FHOD3: variants seen among roughly 807,000 people sequenced by gnomAD.
FHOD3 encodes the protein formin homology 2 domain containing 3, also known as FH1/FH2 domain-containing protein 3.
FHOD3 carries 90 observed loss-of-function variants against 173.0 expected under a neutral mutation model. That is an observed-to-expected ratio of 0.52 (90% confidence interval 0.44 to 0.62). The LOEUF (loss-of-function observed/expected upper bound fraction) is 0.62, where lower values mean the gene tolerates loss of function less well. Among genes scored for constraint, FHOD3 ranks in the 20% least tolerant of loss-of-function variants. The probability of loss-of-function intolerance (pLI) is 0.00; values close to 1 mark genes in which losing one functional copy is unlikely to be tolerated. For synonymous variants in FHOD3, 828 were observed against 823.0 expected (o/e 1.01, Z -0.10); for missense variants, 1,945 against 2,034.7 (o/e 0.96, Z 0.85).
chr18:36,416,816 C>T (rs1341868300), intron 3 of FHOD3, among the ~76,000 whole-genome samples: 1 of 152,154 alleles, frequency 6.6e-6, no homozygotes, highest in Admixed American at 6.5e-5. Context: ...TGCTCCCTTG[C>T]CTTCAAGCCA....
At chr18:36,393,301 CT>C (rs2048389730) in intron 3 of FHOD3, among the ~76,000 whole-genome samples, 1 of 152,166 alleles carries the variant, frequency 6.6e-6, no homozygotes, top group Admixed American at 6.5e-5. Context: ...CTTCTGGACA[CT>C]TTCTCTTTCC....
rs189016760 is a variant in FHOD3 at position 36,300,498 on chromosome 18, G to T, written c.165+2498G>T. On this transcript the variant is annotated intron_variant, in intron 1 of 28. Transcript: ENST00000590592. ...TCTGCTGTGAATTAGCTATTGAGGG[G>T]TCTGTTGACCTGGGTGAGCTATCAT... 7.2e-5 allele frequency among the ~76,000 whole-genome samples: 11 copies of T among 152,278 alleles called. 1 individual carries two copies. In the East Asian group the frequency reaches 2.1e-3, roughly 29 times the overall value.
chr18:36,473,078 C>A (rs779194648), intron 3 of FHOD3, among the ~76,000 whole-genome samples: 11 of 152,224 alleles, frequency 7.2e-5, no homozygotes, highest in Non-Finnish European at 1.5e-4. Flanking sequence ...ATGTTTTAAT[C>A]TTGGCTACTC....
At chr18:36,572,482 T>G (rs2058488148) in intron 5 of FHOD3, among the ~76,000 whole-genome samples, 1 of 152,050 alleles carries the variant, frequency 6.6e-6, no homozygotes, top group African/African-American at 2.4e-5. Context: ...TTAGTAGTAG[T>G]GGGTAGGTAC....
chr18:36,452,130 C>T lies in FHOD3; in HGVS notation c.338-49802C>T, dbSNP rs60995992. Among the ~76,000 whole-genome samples, 990 of 152,188 alleles carry T rather than the reference C, an allele frequency of 6.5e-3. 10 individuals are homozygous for T. Among genetic ancestry groups the T allele is most frequent in the African/African-American group, 0.022 (934 of 41,530 alleles). ...CGCAGCTCATTGTCATCACGAGTTA[C>T]GAGAATTATGAGGGTGCGTCTTGGC... On this transcript the variant is annotated intron_variant, in intron 3 of 28. Transcript: ENST00000590592.
At chr18:36,751,459 C>A (rs115885075) in intron 24 of FHOD3, among the ~76,000 whole-genome samples, 3 of 152,134 alleles carry the variant, frequency 2.0e-5, no homozygotes, top group African/African-American at 7.2e-5. Context: ...TATTTGAATG[C>A]GCTTTATTTC....
In FHOD3 at chr18:36,488,802, G is replaced by T. The variant is rs562386720; in HGVS notation, c.338-13130G>T. 4.4e-4 allele frequency among the ~76,000 whole-genome samples: 67 copies of T among 152,320 alleles called. 1 individual carries two copies. The highest frequency in any genetic ancestry group is 1.6e-3 in the African/African-American group (67 of 41,560). Reference sequence around the variant, plus strand: ...ATTTAGGAGTCTGGATGGTGGTATTGTCCAAGGCCATGGCACAGTGGTGCC... The same window carrying T: ...ATTTAGGAGTCTGGATGGTGGTATTTTCCAAGGCCATGGCACAGTGGTGCC... On this transcript the variant is annotated intron_variant, in intron 3 of 28. Transcript: ENST00000590592.
chr18:36,526,763 A>T (rs1177101392), intron 5 of FHOD3, among the ~76,000 whole-genome samples: 9 of 152,224 alleles, frequency 5.9e-5, no homozygotes, highest in African/African-American at 2.2e-4. Context: ...TGGGAATTTC[A>T]TAAAACATGA....
chr18:36,336,575 G>A (rs193046033), intron 1 of FHOD3, among the ~76,000 whole-genome samples: 4,790 of 152,012 alleles, frequency 0.032, 260 homozygotes, highest in African/African-American at 0.11. Context: ...AGTGGCTCAA[G>A]CCTGTAATCC....
At position 36,577,977 on chromosome 18, in the gene FHOD3, TAAA is replaced by T. The variant is rs1243663288; in HGVS notation, c.606+1433_606+1435del. ...TGAGCAGGTGCACATGCACCAAGGT[TAAA>T]GTGCTGTACGGGTGGCACGTTATGG... On this transcript the variant is annotated intron_variant, in intron 6 of 28. Transcript: ENST00000590592. Among the ~76,000 whole-genome samples the T allele has an allele frequency of 8.8e-3, 1,345 of 152,292 alleles. 21 individuals carry two copies. The highest frequency in any genetic ancestry group is 0.031 in the African/African-American group (1,300 of 41,552).
chr18:36,315,935 C>T (rs1250799158), intron 1 of FHOD3, among the ~76,000 whole-genome samples: 1 of 152,108 alleles, frequency 6.6e-6, no homozygotes, highest in African/African-American at 2.4e-5. Flanking sequence ...CAGCTCTCTG[C>T]CCGCTGCTGC....
intron 16 of FHOD3, chr18:36,692,877 A>C (rs1293004421): frequency 9.9e-6 from 3 of 301,708 alleles, no homozygotes; most frequent in African/African-American, 6.4e-5. Flanking sequence ...ATCACTCTTG[A>C]GGCTTTTTGG....
chr18:36,746,622 G>C (rs1432545364), intron 23 of FHOD3, among the ~76,000 whole-genome samples: 1 of 151,860 alleles, frequency 6.6e-6, no homozygotes. Context: ...AAATTTATGA[G>C]ACATCTTCTT....
intron 5 of FHOD3, among the ~76,000 whole-genome samples, chr18:36,521,839 G>C (rs979776253): frequency 4.6e-5 from 7 of 152,166 alleles, no homozygotes; most frequent in Non-Finnish European, 1.0e-4. Flanking sequence ...GCCCTCGTGT[G>C]TCGGTGCAGT....
chr18:36,563,477 G>A (rs2058158373), intron 5 of FHOD3, among the ~76,000 whole-genome samples: 2 of 152,198 alleles, frequency 1.3e-5, no homozygotes, highest in Non-Finnish European at 1.5e-5. Context: ...GTCCAGAGAG[G>A]TTAATTAGCA....
At chr18:36,493,654 T>C (rs942939585) in intron 3 of FHOD3, among the ~76,000 whole-genome samples, 2 of 152,168 alleles carry the variant, frequency 1.3e-5, no homozygotes, top group Non-Finnish European at 2.9e-5. Flanking sequence ...GGCACACAGC[T>C]AAATGCCTGG....
At position 36,373,843 on chromosome 18, in the gene FHOD3, C is replaced by T. The variant is rs2146120565; in HGVS notation, c.337+1099C>T. 1.3e-5 allele frequency among the ~76,000 whole-genome samples: 2 copies of T among 152,246 alleles called. 1 individual carries two copies. The highest frequency in any genetic ancestry group is 4.1e-4 in the South Asian group (2 of 4,822). On this transcript the variant is annotated intron_variant, in intron 3 of 28. Transcript: ENST00000590592. ...TATTAAATCGTGGCTTTTTTATTAC[C>T]TGCTTCGTGTTTTCCCAGTGATTTC...
chr18:36,779,360 G>T, intron 28 of FHOD3, 88 bp from the exon 29 acceptor site: 1 of 1,167,168 alleles, frequency 8.6e-7, no homozygotes, highest in Non-Finnish European at 1.3e-6. Context: ...GGAGAAGGGG[G>T]GACTGGAGTC....
intron 3 of FHOD3, among the ~76,000 whole-genome samples, chr18:36,410,134 A>T (rs935740963): frequency 6.6e-6 from 1 of 152,170 alleles, no homozygotes; most frequent in African/African-American, 2.4e-5. Context: ...CCTCAAAAAA[A>T]ACACCACACC....
Sources: allele counts gnomAD v4.1 joint callset (sites outside exome capture counted in the v4.1 genomes callset), GRCh38; gene constraint gnomAD v4.1.1; transcripts MANE v1.5; gene names NCBI Gene and HGNC (gene_info 2026-07-23, HGNC 2026-07-21).